Variants in USP37 observed in about 807,000 individuals in gnomAD.
USP37 encodes the protein ubiquitin carboxyl-terminal hydrolase 37.
USP37 carries 27 observed loss-of-function variants against 124.0 expected under a neutral mutation model. The observed-to-expected ratio is 0.22, with a 90% CI of 0.16 to 0.30. USP37 has a LOEUF of 0.30. USP37 is among the 10% of genes least tolerant of loss of function. The pLI, the probability that USP37 is intolerant of heterozygous loss-of-function variation, is 1.00. For missense variants in USP37, 889 were observed against 1,140.4 expected (o/e 0.78, Z 3.17); for synonymous variants, 365 against 388.0 (o/e 0.94, Z 0.70).
At position 218,474,677 on chromosome 2, in the gene USP37, T is replaced by C. The variant is rs1419385837; in HGVS notation, c.2252A>G (p.Asn751Ser). 1.2e-6 allele frequency: 2 copies of C among 1,614,222 alleles called. No individual in the cohort carries two copies. Among genetic ancestry groups the C allele is most frequent in the Admixed American group, 3.3e-5 (2 of 60,020 alleles). ...CTTCTCAGTTTCCATAGTGTCTGGATTTTCTGGCATTTCTTGAATATCATC... is the reference window on the plus strand; with the variant it reads ...CTTCTCAGTTTCCATAGTGTCTGGACTTTCTGGCATTTCTTGAATATCATC... ...AEDDIQEMPE[N>S]PDTMETEKPK... is the part of the protein sequence containing the mutation. Residue 751 changes from asparagine (N) to serine (S), a missense_variant, in exon 20 of 26, where the codon AAT (asparagine) becomes AGT (serine). Coordinates refer to ENST00000258399, the MANE Select transcript of USP37 (RefSeq NM_020935.3).
chr2:218,513,525 G>C (rs1338152886), intron 10 of USP37, among the ~76,000 whole-genome samples: 1 of 152,014 alleles, frequency 6.6e-6, no homozygotes, highest in African/African-American at 2.4e-5. Context: ...AAGTATCCTG[G>C]TGCCCGTTTG....
rs774669385 is a variant in USP37, at chr2:218,498,067, T to C, written c.1116A>G (p.Gln372=). The part of the protein sequence containing the change: ...LQSFANDLLK[Q]GIPWKKIPLN... ...GTGGAATTTTCTTCCATGGGATACCTTGTTTAAGCAAGTCATTTGCAAATG... is the reference window on the plus strand; with the variant it reads ...GTGGAATTTTCTTCCATGGGATACCCTGTTTAAGCAAGTCATTTGCAAATG... Residue 372 remains glutamine, a synonymous_variant, in exon 12 of 26, where the codon CAA becomes CAG. Coordinates refer to ENST00000258399, the MANE Select transcript of USP37 (RefSeq NM_020935.3). 3.7e-6 allele frequency: 6 copies of C among 1,612,418 alleles called. No individual in the cohort carries two copies. The South Asian group carries it at 5.5e-5, about 15-fold the overall frequency.
At chr2:218,520,498 C>T (rs542446793) in intron 10 of USP37, among the ~76,000 whole-genome samples, 3 of 151,962 alleles carry the variant, frequency 2.0e-5, no homozygotes, top group Admixed American at 6.6e-5. Context: ...TGCAGGCATA[C>T]GCCACCACGC....
intron 14 of USP37, among the ~76,000 whole-genome samples, chr2:218,488,953 A>C (rs1253851949): frequency 6.6e-6 from 1 of 152,062 alleles, no homozygotes; most frequent in Non-Finnish European, 1.5e-5. Flanking sequence ...AACTTTATAT[A>C]AGCAACCCCC....
intron 11 of USP37, among the ~76,000 whole-genome samples, chr2:218,501,933 A>C (rs988527923): frequency 1.3e-5 from 2 of 152,208 alleles, no homozygotes; most frequent in Admixed American, 6.5e-5. Context: ...CCCAGAACTC[A>C]CACAGGGACT....
At position 218,488,194 on chromosome 2, in the gene USP37, A is replaced by G. The variant is rs541647612; in HGVS notation, c.1590+110T>C. 562 of 630,206 alleles carry G rather than the reference A, an allele frequency of 8.9e-4. 28 individuals carry two copies. In the South Asian group the frequency reaches 0.015, roughly 17 times the overall value. 39.0% of individuals were successfully genotyped at this position (630,206 alleles called of 1,614,324 possible). On this transcript the variant is annotated intron_variant, in intron 15 of 25. Coordinates refer to ENST00000258399, the MANE Select transcript of USP37 (RefSeq NM_020935.3). ...CTGTCTCAAAAAAAAAAAAAAAAAA[A>G]AAAGAAAAGAAAAGAAACTTTGCCT...
chr2:218,461,420 C>T (rs1204572680), intron 22 of USP37, among the ~76,000 whole-genome samples: 1 of 151,834 alleles, frequency 6.6e-6, no homozygotes, highest in African/African-American at 2.4e-5. Context: ...GCAGGAGAAT[C>T]GCTTGAACTC....
intron 13 of USP37, among the ~76,000 whole-genome samples, chr2:218,496,604 T>TAAAATATGGTACGATACACA (rs139902111): frequency 1.3e-5 from 2 of 152,178 alleles, no homozygotes; most frequent in Admixed American, 6.5e-5. Context: ...AATCTATATT[T>TAAAATATGGTACGATACACA]GAAGAGTCAC....
intron 8 of USP37, among the ~76,000 whole-genome samples, chr2:218,537,783 C>A (rs959775553): frequency 6.6e-6 from 1 of 152,066 alleles, no homozygotes; most frequent in Non-Finnish European, 1.5e-5. Flanking sequence ...GTAGAGTCAC[C>A]CACAGGAGAG....
chr2:218,517,993 T>C (rs544498986), intron 10 of USP37, among the ~76,000 whole-genome samples: 2 of 152,242 alleles, frequency 1.3e-5, no homozygotes, highest in East Asian at 3.9e-4. Context: ...TCTCATTCTG[T>C]CACTCAGGCT....
chr2:218,463,240 T>C, intron 22 of USP37, 66 bp downstream of exon 22: 2 of 1,336,990 alleles, frequency 1.5e-6, no homozygotes, highest in Admixed American at 1.7e-5. Flanking sequence ...ACTTTCTTTA[T>C]ATGTTCTTCT....
At chr2:218,515,307 C>G (rs1403506173) in intron 10 of USP37, among the ~76,000 whole-genome samples, 1 of 152,034 alleles carries the variant, frequency 6.6e-6, no homozygotes, top group Non-Finnish European at 1.5e-5. Context: ...TACTACAAGG[C>G]TACAGTAACC....
At chr2:218,502,525 C>T (rs905659988) in intron 11 of USP37, among the ~76,000 whole-genome samples, 7 of 151,754 alleles carry the variant, frequency 4.6e-5, no homozygotes, top group African/African-American at 1.5e-4. Flanking sequence ...TATATAAAAA[C>T]GTTCAAAATC....
At chr2:218,480,642 T>G (rs1262845885) in intron 17 of USP37, among the ~76,000 whole-genome samples, 4 of 152,172 alleles carry the variant, frequency 2.6e-5, no homozygotes, top group Non-Finnish European at 5.9e-5. Flanking sequence ...ACTCTACATA[T>G]TATTACCTCA....
In USP37 at chr2:218,558,700, A is replaced by T. The variant is rs376276727; in HGVS notation, c.-24-23T>A. ...TGGCTAAATTAAAAAGCAAAAATAT[A>T]CCTTTACCTGGCAGGTTCTAAGGAA... On this transcript the variant is annotated intron_variant, in intron 3 of 25. Coordinates refer to ENST00000258399, the MANE Select transcript of USP37 (RefSeq NM_020935.3). The T allele has an allele frequency of 1.0e-5, 16 of 1,530,272 alleles. No individual in the cohort carries two copies. The African/African-American group carries it at 2.1e-4, about 20-fold the overall frequency. 94.8% of individuals were successfully genotyped at this position (1,530,272 alleles called of 1,614,324 possible). A position where few individuals can be genotyped will look rare whatever the true frequency, so the allele number is the denominator to read the frequency against.
At chr2:218,498,642 G>T (rs1409130667) in intron 11 of USP37, among the ~76,000 whole-genome samples, 1 of 152,068 alleles carries the variant, frequency 6.6e-6, no homozygotes, top group East Asian at 1.9e-4. Flanking sequence ...CACGAGAATC[G>T]CTTGAACCCA....
intron 10 of USP37, among the ~76,000 whole-genome samples, chr2:218,520,325 T>C (rs1452782360): frequency 6.6e-6 from 1 of 151,458 alleles, no homozygotes; most frequent in African/African-American, 2.4e-5. Context: ...ACCTGACTCA[T>C]ATTTAAACCT....
chr2:218,475,718 A>G (rs1690932025), intron 19 of USP37, among the ~76,000 whole-genome samples: 1 of 152,164 alleles, frequency 6.6e-6, no homozygotes, highest in South Asian at 2.1e-4. Context: ...TGACAGGGCA[A>G]GAGTCTGTCT....
At chr2:218,455,163 A>C in intron 25 of USP37, 146 bp from the exon 26 acceptor site, 2 of 975,362 alleles carry the variant, frequency 2.1e-6, no homozygotes, top group Non-Finnish European at 1.5e-6. Context: ...AAAGCAGCTC[A>C]CTCATTTGAT....
Sources: allele counts gnomAD v4.1 joint callset (sites outside exome capture counted in the v4.1 genomes callset), GRCh38; gene constraint gnomAD v4.1.1; transcripts MANE v1.5; gene names NCBI Gene and HGNC (gene_info 2026-07-23, HGNC 2026-07-21).